Variants in SLC24A3 observed in about 807,000 individuals in gnomAD.
The protein encoded by SLC24A3 is sodium/potassium/calcium exchanger 3.
Under a neutral mutation model 75.8 loss-of-function variants are expected in SLC24A3, and 28 were observed. The observed-to-expected ratio is 0.37, with a 90% CI of 0.27 to 0.51. The LOEUF is 0.51. SLC24A3 is among the 20% of genes least tolerant of loss of function. The pLI is 0.94. For missense variants in SLC24A3, 663 were observed against 847.8 expected (o/e 0.78, Z 2.71); for synonymous variants, 372 against 334.1 (o/e 1.11, Z -1.24).
intron 2 of SLC24A3, among the ~76,000 whole-genome samples, chr20:19,367,665 G>A (rs1985917637): frequency 6.6e-6 from 1 of 152,118 alleles, no homozygotes; most frequent in African/African-American, 2.4e-5. Flanking sequence ...CACCTTACTT[G>A]GGAAGGTAGA....
At chr20:19,522,505 C>T (rs2030116363) in intron 3 of SLC24A3, among the ~76,000 whole-genome samples, 1 of 152,206 alleles carries the variant, frequency 6.6e-6, no homozygotes. Context: ...CTTCTCCTGA[C>T]CTCAATATCC....
intron 2 of SLC24A3, among the ~76,000 whole-genome samples, chr20:19,458,311 T>A (rs6035343): frequency 0.018 from 2,812 of 152,254 alleles, 84 homozygotes; most frequent in African/African-American, 0.064. Context: ...ATATAAAAAT[T>A]ATTTTTTAGC....
At position 19,212,998 on chromosome 20, in the gene SLC24A3, G is replaced by T; in HGVS notation, c.142+14G>T. 1 of 1,258,768 alleles carries T rather than the reference G, an allele frequency of 7.9e-7. No individual in the cohort carries two copies. The highest frequency in any genetic ancestry group is 1.0e-6 in the Non-Finnish European group (1 of 999,830). The allele number at this position is 1,258,768 out of a possible 1,614,324, so 78.0% of individuals were successfully genotyped here. Reference sequence around the variant, plus strand: ...GAGAGCAGAAGGGTGAGTGCACGCTGCCTGCCCCGAGTGGGCGCTGCGGCT... The same window carrying T: ...GAGAGCAGAAGGGTGAGTGCACGCTTCCTGCCCCGAGTGGGCGCTGCGGCT... On this transcript the variant is annotated intron_variant, in intron 1 of 16. Coordinates refer to ENST00000328041, the MANE Select transcript of SLC24A3 (RefSeq NM_020689.4).
rs150848944 is a variant in SLC24A3 at position 19,717,561 on chromosome 20, G to A, written c.1753G>A (p.Val585Ile). Residue 585 changes from valine (V) to isoleucine (I), a missense_variant, in exon 16 of 17, where the codon GTA becomes ATA. Coordinates refer to ENST00000328041, the MANE Select transcript of SLC24A3 (RefSeq NM_020689.4). ...GAATAGCAGGGGGCTGATCTACTCC[G>A]TAGGCTTGCTCCTGGCCTCTGTTTT... ...RLNSRGLIYS[V>I]GLLLASVFVT... 3,371 of 1,614,132 alleles carry A rather than the reference G, an allele frequency of 2.1e-3. 4 individuals carry two copies. Among genetic ancestry groups the A allele is most frequent in the Non-Finnish European group, 2.7e-3 (3,207 of 1,179,996 alleles).
intron 2 of SLC24A3, among the ~76,000 whole-genome samples, chr20:19,379,697 A>G (rs2122370343): frequency 6.6e-6 from 1 of 152,266 alleles, no homozygotes; most frequent in East Asian, 1.9e-4. Flanking sequence ...AAATCTCTAT[A>G]CAAGCCTCCC....
intron 2 of SLC24A3, among the ~76,000 whole-genome samples, chr20:19,502,510 G>T (rs915673025): frequency 1.3e-5 from 2 of 152,014 alleles, no homozygotes; most frequent in Non-Finnish European, 2.9e-5. Context: ...CACATCTCAG[G>T]ACTAAGGGCA....
intron 2 of SLC24A3, among the ~76,000 whole-genome samples, chr20:19,346,317 G>GTGTATATATATATGGTA (rs1600440630): frequency 4.7e-5 from 4 of 84,940 alleles, no homozygotes; most frequent in East Asian, 4.5e-4. Context: ...TATATATATG[G>GTGTATATATATATGGTA]TATATATATA....
rs950050468 is a variant in SLC24A3, at chr20:19,341,181, A to G, written c.271+60094A>G. ...GGGAGTTTTTGAGTCTTCCAGGTGGATACCCACCACAGTAGGCAAACCAGC... is the reference window on the plus strand; with the variant it reads ...GGGAGTTTTTGAGTCTTCCAGGTGGGTACCCACCACAGTAGGCAAACCAGC... On this transcript the variant is annotated intron_variant, in intron 2 of 16. Coordinates refer to ENST00000328041, the MANE Select transcript of SLC24A3 (RefSeq NM_020689.4). 2.0e-5 allele frequency among the ~76,000 whole-genome samples: 3 copies of G among 152,214 alleles called. No individual in the cohort carries two copies. The East Asian group carries it at 5.8e-4, about 29-fold the overall frequency.
chr20:19,624,436 C>T (rs2031842469), intron 6 of SLC24A3, among the ~76,000 whole-genome samples: 1 of 152,204 alleles, frequency 6.6e-6, no homozygotes, highest in Admixed American at 6.5e-5. Flanking sequence ...GCACCTGAAT[C>T]TCAGTTGCAC....
At chr20:19,715,009 A>G (rs549247242) in intron 15 of SLC24A3, among the ~76,000 whole-genome samples, 39 of 152,314 alleles carry the variant, frequency 2.6e-4, no homozygotes, top group African/African-American at 9.1e-4. Context: ...CTTAGAAGAT[A>G]TCTGTATGCG....
intron 2 of SLC24A3, among the ~76,000 whole-genome samples, chr20:19,314,977 G>T (rs1007503280): frequency 2.0e-5 from 3 of 152,152 alleles, no homozygotes; most frequent in Non-Finnish European, 2.9e-5. Context: ...TTGGTCAAAG[G>T]CCACACATAA....
chr20:19,688,190 G>T (rs948594736), intron 12 of SLC24A3, among the ~76,000 whole-genome samples: 1 of 152,154 alleles, frequency 6.6e-6, no homozygotes, highest in Non-Finnish European at 1.5e-5. Flanking sequence ...GGTGAGGCCC[G>T]AGTCTGCATT....
intron 2 of SLC24A3, among the ~76,000 whole-genome samples, chr20:19,412,392 T>C (rs889851057): frequency 6.0e-5 from 9 of 149,670 alleles, no homozygotes; most frequent in African/African-American, 2.0e-4. Context: ...AAATGCCAAA[T>C]TGAAGAAGAA....
In SLC24A3 at chr20:19,586,463, T is replaced by C. The variant is rs77637804; in HGVS notation, c.612+919T>C. On this transcript the variant is annotated intron_variant, in intron 6 of 16. Transcript: ENST00000328041. ...TGATCAGCAGCCTTGATATGAACAG[T>C]GCACTGTTCTCCTAGAAGTGGCTGA... 4.3e-4 allele frequency among the ~76,000 whole-genome samples: 66 copies of C among 152,266 alleles called. No individual in the cohort carries two copies. In the East Asian group the frequency reaches 0.012, roughly 28 times the overall value.
intron 2 of SLC24A3, among the ~76,000 whole-genome samples, chr20:19,436,792 G>A (rs953135965): frequency 6.6e-6 from 1 of 152,132 alleles, no homozygotes; most frequent in Non-Finnish European, 1.5e-5. Context: ...GCTGGCACCT[G>A]TGCCCTTCCC....
chr20:19,718,014 T>C (rs1222016793), intron 16 of SLC24A3, among the ~76,000 whole-genome samples: 1 of 152,222 alleles, frequency 6.6e-6, no homozygotes, highest in Non-Finnish European at 1.5e-5. Flanking sequence ...CTCTCAGCCA[T>C]TACGCCCACT....
At chr20:19,328,812 A>G (rs1180629400) in intron 2 of SLC24A3, among the ~76,000 whole-genome samples, 1 of 152,136 alleles carries the variant, frequency 6.6e-6, no homozygotes, top group Non-Finnish European at 1.5e-5. Flanking sequence ...GACTGGGAGG[A>G]AGACAGAAGC....
At chr20:19,377,271 T>C (rs559952536) in intron 2 of SLC24A3, among the ~76,000 whole-genome samples, 2 of 152,274 alleles carry the variant, frequency 1.3e-5, no homozygotes, top group African/African-American at 4.8e-5. Context: ...TTGAAATGAA[T>C]TTGATTTTAG....
intron 2 of SLC24A3, among the ~76,000 whole-genome samples, chr20:19,464,836 G>T (rs544268830): frequency 1.1e-4 from 17 of 152,270 alleles, no homozygotes; most frequent in Middle Eastern, 3.4e-3. Context: ...TACGATCATG[G>T]GTATACTTTG....
Sources: allele counts gnomAD v4.1 joint callset (sites outside exome capture counted in the v4.1 genomes callset), GRCh38; gene constraint gnomAD v4.1.1; transcripts MANE v1.5; gene names NCBI Gene and HGNC (gene_info 2026-07-23, HGNC 2026-07-21).